Variants in PRR16 observed in about 807,000 individuals in gnomAD.
The protein encoded by PRR16 is protein Largen.
In PRR16, 6 loss-of-function variants were observed where a neutral mutation model predicts 18.2. That is an observed-to-expected ratio of 0.33 (90% CI 0.18 to 0.65). The LOEUF (loss-of-function observed/expected upper bound fraction) is 0.65. Ranked by LOEUF, PRR16 falls within the 30% of genes least tolerant of loss-of-function variation. The pLI is 0.74. For synonymous variants in PRR16, 151 were observed against 147.8 expected (o/e 1.02, Z -0.16); for missense variants, 412 against 376.6 (o/e 1.09, Z -0.78).
At chr5:120,563,682 T>G (rs983965964) in intron 1 of PRR16, among the ~76,000 whole-genome samples, 3 of 152,184 alleles carry the variant, frequency 2.0e-5, no homozygotes, top group South Asian at 4.1e-4. Context: ...TCCAAGACTC[T>G]AGGCTTGGAG....
chr5:120,633,658 C>T (rs1421746688), intron 1 of PRR16, among the ~76,000 whole-genome samples: 1 of 151,988 alleles, frequency 6.6e-6, no homozygotes, highest in South Asian at 2.1e-4. Context: ...AAGAACTAGC[C>T]TGACAGGAAA....
At chr5:120,763,908 G>A in the PRR16 span, among the ~76,000 whole-genome samples, 2 of 151,828 alleles carry the variant, frequency 1.3e-5, no homozygotes, top group Admixed American at 1.3e-4. Context: ...TATTGATTTT[G>A]TATCCTGAGA....
chr5:120,617,163 A>G (rs951240244), intron 1 of PRR16: 15 of 985,404 alleles, frequency 1.5e-5, no homozygotes, highest in Non-Finnish European at 1.8e-5. Flanking sequence ...GCATACAGTG[A>G]CAACAGGACA....
chr5:120,560,152 G>T (rs1752532423), intron 1 of PRR16, among the ~76,000 whole-genome samples: 1 of 151,488 alleles, frequency 6.6e-6, no homozygotes, highest in East Asian at 1.9e-4. Flanking sequence ...GATTTTTTTA[G>T]CTAGGACTTC....
intron 1 of PRR16, among the ~76,000 whole-genome samples, chr5:120,555,411 G>T (rs532662421): frequency 1.3e-5 from 2 of 151,932 alleles, no homozygotes; most frequent in Non-Finnish European, 2.9e-5. Context: ...GAGCAAGAAA[G>T]TTCCAAGTCA....
the PRR16 span, among the ~76,000 whole-genome samples, chr5:120,783,348 C>T: frequency 4.6e-5 from 7 of 152,028 alleles, no homozygotes; most frequent in African/African-American, 1.7e-4. Flanking sequence ...CTAATTCAAT[C>T]ATAGGTATTT....
intron 1 of PRR16, among the ~76,000 whole-genome samples, chr5:120,593,610 T>C (rs1486849097): frequency 6.6e-6 from 1 of 152,068 alleles, no homozygotes; most frequent in Non-Finnish European, 1.5e-5. Flanking sequence ...CTGAAACTCT[T>C]CCAAAAAATT....
intron 1 of PRR16, 145 bp downstream of exon 1, chr5:120,464,790 T>C: frequency 1.2e-6 from 1 of 866,030 alleles, no homozygotes; most frequent in Non-Finnish European, 1.7e-6. Context: ...TCTTTGCTCC[T>C]GGAGTCCTGA....
chr5:120,575,181 C>T (rs1417494863), intron 1 of PRR16, among the ~76,000 whole-genome samples: 2 of 152,046 alleles, frequency 1.3e-5, no homozygotes, highest in Non-Finnish European at 2.9e-5. Context: ...TGGTTTCAGG[C>T]ACCCATTGGG....
At chr5:120,592,163 C>T (rs1045099641) in intron 1 of PRR16, among the ~76,000 whole-genome samples, 7 of 152,140 alleles carry the variant, frequency 4.6e-5, no homozygotes, top group Admixed American at 3.3e-4. Context: ...TGTCATACTA[C>T]CCTTCCATAA....
At chr5:120,617,155 A>G in intron 1 of PRR16, 3 of 985,412 alleles carry the variant, frequency 3.0e-6, no homozygotes, top group Non-Finnish European at 3.6e-6. Flanking sequence ...TGCTGCAGGC[A>G]TACAGTGACA....
At chr5:120,546,128 C>T (rs769569876) in intron 1 of PRR16, among the ~76,000 whole-genome samples, 18 of 152,124 alleles carry the variant, frequency 1.2e-4, no homozygotes, top group South Asian at 8.3e-4. Flanking sequence ...AGTGTTGCAA[C>T]GTTAGTGGCA....
chr5:120,465,574 G>C (rs1242139142), intron 1 of PRR16: 2 of 151,802 alleles, frequency 1.3e-5, no homozygotes, highest in East Asian at 3.9e-4. Context: ...CTCAGGCGGC[G>C]GCTCCGGGCG....
intron 1 of PRR16, among the ~76,000 whole-genome samples, chr5:120,649,457 T>C (rs1755702833): frequency 6.6e-6 from 1 of 152,166 alleles, no homozygotes; most frequent in Non-Finnish European, 1.5e-5. Context: ...TGTGATTTTT[T>C]ACTACTATTG....
chr5:120,720,605 C>G, the PRR16 span, among the ~76,000 whole-genome samples: 27 of 152,078 alleles, frequency 1.8e-4, no homozygotes, highest in African/African-American at 6.3e-4. Flanking sequence ...TTGGAATCCA[C>G]TCTCATTTCT....
the PRR16 span, among the ~76,000 whole-genome samples, chr5:120,739,633 C>A: frequency 2.0e-5 from 3 of 152,090 alleles, no homozygotes; most frequent in Non-Finnish European, 4.4e-5. Context: ...GTCAACAACC[C>A]TAAATTTAAA....
chr5:120,542,399 T>C (rs947741640), intron 1 of PRR16, among the ~76,000 whole-genome samples: 2 of 152,190 alleles, frequency 1.3e-5, no homozygotes, highest in Non-Finnish European at 2.9e-5. Context: ...GGAGTACCTA[T>C]ATACTCTTCA....
At chr5:120,478,853 A>G (rs1423718477) in intron 1 of PRR16, among the ~76,000 whole-genome samples, 2 of 152,222 alleles carry the variant, frequency 1.3e-5, no homozygotes, top group East Asian at 1.9e-4. Context: ...TGCTTCTGGA[A>G]TATCATGCAT....
At chr5:120,530,287 ATTTATTTATTTATT>A in intron 1 of PRR16, among the ~76,000 whole-genome samples, 1 of 132,346 alleles carries the variant, frequency 7.6e-6, no homozygotes, top group African/African-American at 3.0e-5. Flanking sequence ...ATATATATTT[ATTTATTTATTTATT>A]TATTTATTTA....
Sources: allele counts gnomAD v4.1 joint callset (sites outside exome capture counted in the v4.1 genomes callset), GRCh38; gene constraint gnomAD v4.1.1; transcripts MANE v1.5; gene names NCBI Gene and HGNC (gene_info 2026-07-23, HGNC 2026-07-21).